Variants in SYT9 observed in about 807,000 individuals in gnomAD.
SYT9 encodes synaptotagmin 9.
In SYT9, 22 loss-of-function variants were observed where a neutral mutation model predicts 48.4. The ratio of observed to expected loss-of-function variants is 0.45; its 90% CI spans 0.32 to 0.65. The LOEUF (loss-of-function observed/expected upper bound fraction) is 0.65, where lower values mean the gene tolerates loss of function less well. Among genes scored for constraint, SYT9 ranks in the 30% least tolerant of loss-of-function variants. The pLI, the probability that SYT9 is intolerant of heterozygous loss-of-function variation, is 0.03. For missense variants in SYT9, 577 were observed against 622.0 expected (o/e 0.93, Z 0.77); for synonymous variants, 265 against 245.0 (o/e 1.08, Z -0.76).
chr11:7,369,319 GTT>G, intron 3 of SYT9, among the ~76,000 whole-genome samples: 1 of 150,614 alleles, frequency 6.6e-6, no homozygotes, highest in Non-Finnish European at 1.5e-5. Flanking sequence ...TTTTGATGGT[GTT>G]GTTTGTTTTT....
intron 6 of SYT9, 107 bp downstream of exon 6, chr11:7,420,742 C>A (rs116186821): frequency 2.1e-6 from 3 of 1,412,580 alleles, no homozygotes; most frequent in South Asian, 1.4e-5. Context: ...TGGTCATAGA[C>A]GGGTTTTCCT....
intron 3 of SYT9, among the ~76,000 whole-genome samples, chr11:7,399,287 G>A (rs1564889977): frequency 6.6e-6 from 1 of 152,132 alleles, no homozygotes; most frequent in Non-Finnish European, 1.5e-5. Context: ...AAAATGATGA[G>A]CAGAAGTTAA....
intron 1 of SYT9, among the ~76,000 whole-genome samples, chr11:7,287,062 C>G (rs1164923580): frequency 2.6e-5 from 4 of 152,150 alleles, no homozygotes; most frequent in Non-Finnish European, 5.9e-5. Context: ...ATAGTCCATT[C>G]TCATGCTGCC....
intron 3 of SYT9, among the ~76,000 whole-genome samples, chr11:7,364,389 C>T (rs997750338): frequency 1.3e-5 from 2 of 152,174 alleles, no homozygotes; most frequent in African/African-American, 4.8e-5. Context: ...TCAATCAATA[C>T]ATAGCTACAT....
intron 3 of SYT9, among the ~76,000 whole-genome samples, chr11:7,368,115 T>A (rs1036794788): frequency 2.0e-5 from 3 of 152,236 alleles, no homozygotes; most frequent in African/African-American, 7.2e-5. Flanking sequence ...GCTTTAAAAC[T>A]TGAATCCATT....
intron 3 of SYT9, among the ~76,000 whole-genome samples, chr11:7,387,621 A>T (rs929593651): frequency 6.6e-6 from 1 of 152,178 alleles, no homozygotes; most frequent in Non-Finnish European, 1.5e-5. Context: ...GAGATGATGT[A>T]CCTTATTCCT....
At chr11:7,419,903 A>T (rs1164745089) in intron 5 of SYT9, among the ~76,000 whole-genome samples, 1 of 152,218 alleles carries the variant, frequency 6.6e-6, no homozygotes, top group Non-Finnish European at 1.5e-5. Context: ...TTCAAAAAAA[A>T]AGAAATATTA....
At chr11:7,286,710 C>T (rs1039370010) in intron 1 of SYT9, among the ~76,000 whole-genome samples, 1 of 152,226 alleles carries the variant, frequency 6.6e-6, no homozygotes, top group East Asian at 1.9e-4. Context: ...CCTAAATTAT[C>T]TCTTTCTAGT....
At chr11:7,288,679 C>T (rs532229097) in intron 1 of SYT9, among the ~76,000 whole-genome samples, 1 of 151,044 alleles carries the variant, frequency 6.6e-6, no homozygotes. Flanking sequence ...TGTCCTCCTT[C>T]TCATTTATAC....
intron 6 of SYT9, chr11:7,454,123 TC>T (rs935700269): frequency 3.0e-6 from 3 of 985,380 alleles, no homozygotes; most frequent in Non-Finnish European, 3.6e-6. Context: ...TTCTTTCCTT[TC>T]CTTGCTACCT....
chr11:7,276,952 G>C (rs560031118), intron 1 of SYT9, among the ~76,000 whole-genome samples: 1 of 152,138 alleles, frequency 6.6e-6, no homozygotes, highest in African/African-American at 2.4e-5. Flanking sequence ...TACTCGGGAG[G>C]CTGAGGAAGG....
intron 3 of SYT9, among the ~76,000 whole-genome samples, chr11:7,403,282 A>G (rs1351078359): frequency 6.6e-6 from 1 of 152,168 alleles, no homozygotes; most frequent in Non-Finnish European, 1.5e-5. Context: ...TGTTGAGGCC[A>G]GGCACAGTGG....
intron 1 of SYT9, among the ~76,000 whole-genome samples, chr11:7,244,566 A>G (rs937256515): frequency 9.2e-5 from 14 of 152,376 alleles, no homozygotes; most frequent in Admixed American, 3.9e-4. Flanking sequence ...AAATGTTAGA[A>G]TGAATACCTT....
At chr11:7,250,851 T>C (rs1160795993), upstream of SYT9, among the ~76,000 whole-genome samples, 1 of 151,816 alleles carries the variant, frequency 6.6e-6, no homozygotes, top group Non-Finnish European at 1.5e-5. Context: ...CCTACTCTAA[T>C]TGCTCTAGAG....
Position 7,279,315 on chromosome 11 carries a change from A to G in SYT9, c.146-23724A>G, listed in dbSNP as rs186409371. 4.5e-3 allele frequency among the ~76,000 whole-genome samples: 685 copies of G among 152,312 alleles called. 7 individuals are homozygous for G. The highest frequency in any genetic ancestry group is 0.015 in the African/African-American group (624 of 41,572). ...GATAGAGTCTGTCTTGACTTCAGCA[A>G]TATTTTTATTGGGCAGTTTATGATA... On this transcript the variant is annotated intron_variant, in intron 1 of 6. Transcript: ENST00000318881.
chr11:7,443,277 C>T (rs558070983), intron 6 of SYT9, among the ~76,000 whole-genome samples: 1 of 152,310 alleles, frequency 6.6e-6, no homozygotes, highest in South Asian at 2.1e-4. Context: ...CTGGTCCCAT[C>T]CCCCACAGAA....
chr11:7,445,043 G>A (rs1847902142), intron 6 of SYT9, among the ~76,000 whole-genome samples: 1 of 152,164 alleles, frequency 6.6e-6, no homozygotes, highest in African/African-American at 2.4e-5. Flanking sequence ...TTCTGGCTTT[G>A]CCATTTTTGA....
At chr11:7,434,125 T>C (rs1427981057) in intron 6 of SYT9, among the ~76,000 whole-genome samples, 1 of 152,206 alleles carries the variant, frequency 6.6e-6, no homozygotes, top group Non-Finnish European at 1.5e-5. Flanking sequence ...CAGGACAGTC[T>C]TCTGCTGTGC....
intron 1 of SYT9, among the ~76,000 whole-genome samples, chr11:7,262,989 C>G (rs1413165110): frequency 1.3e-5 from 2 of 151,862 alleles, no homozygotes; most frequent in African/African-American, 4.8e-5. Context: ...TAGTACAGAA[C>G]AAAAAATCAT....
Sources: gnomAD v4.1 joint callset for allele counts (sites outside exome capture counted in the v4.1 genomes callset) on GRCh38, gnomAD v4.1.1 for gene constraint, MANE v1.5 for transcripts, NCBI Gene and HGNC (gene_info 2026-07-23, HGNC 2026-07-21) for gene names.